PPP6R3: variants seen among roughly 807,000 people sequenced by gnomAD.
The protein encoded by PPP6R3 is protein phosphatase 6 regulatory subunit 3, also known as serine/threonine-protein phosphatase 6 regulatory subunit 3.
A neutral mutation model predicts 110.7 loss-of-function variants in PPP6R3; 38 were observed. That is an observed-to-expected ratio of 0.34 (90% CI 0.26 to 0.45). The LOEUF (loss-of-function observed/expected upper bound fraction) is 0.45. PPP6R3 is among the 20% of genes least tolerant of loss of function. The probability of loss-of-function intolerance (pLI) is 1.00; values close to 1 mark genes in which losing one functional copy is unlikely to be tolerated. For synonymous variants in PPP6R3, 369 were observed against 373.5 expected, an observed-to-expected ratio of 0.99 and a Z score of 0.14; for missense variants, 870 against 1,062.4, an observed-to-expected ratio of 0.82 and a Z score of 2.52.
intron 6 of PPP6R3, 121 bp from the exon 7 acceptor site, chr11:68,554,024 G>C: frequency 1.4e-6 from 1 of 694,176 alleles, no homozygotes; most frequent in South Asian, 1.9e-5. Flanking sequence ...GACCTTTTGC[G>C]CACTGAAGCT....
intron 1 of PPP6R3, among the ~76,000 whole-genome samples, chr11:68,481,713 A>G (rs1220375057): frequency 6.6e-6 from 1 of 152,182 alleles, no homozygotes; most frequent in African/African-American, 2.4e-5. Flanking sequence ...ATCAGTTACT[A>G]GTAAAGTGCC....
Position 68,613,219 on chromosome 11 carries a change from ACT to A in PPP6R3, c.*105_*106del. On this transcript the variant is annotated 3_prime_UTR_variant, in exon 24 of 24. Transcript: ENST00000393800. ...CCACCAAGCTGTCACTGCTGCACTC[ACT>A]CTGCAAGGGATCAGGACCAGCAACC... 1 of 1,529,468 alleles carries A rather than the reference ACT, an allele frequency of 6.5e-7. No homozygotes were observed. Among genetic ancestry groups the A allele is most frequent in the Non-Finnish European group, 8.8e-7 (1 of 1,139,852 alleles). 94.7% of individuals were successfully genotyped at this position (1,529,468 alleles called of 1,614,324 possible).
chr11:68,489,210 G>A (rs1017653482), intron 1 of PPP6R3, among the ~76,000 whole-genome samples: 2 of 151,842 alleles, frequency 1.3e-5, no homozygotes, highest in African/African-American at 2.4e-5. Flanking sequence ...TAGTAGAGAC[G>A]GGGTTTCACC....
chr11:68,485,053 TG>T (rs1443165743), intron 1 of PPP6R3, among the ~76,000 whole-genome samples: 1 of 152,190 alleles, frequency 6.6e-6, no homozygotes, highest in South Asian at 2.1e-4. Flanking sequence ...AGTTCTTCTT[TG>T]GGGTCTGTCA....
intron 2 of PPP6R3, among the ~76,000 whole-genome samples, chr11:68,526,419 T>C (rs1391429430): frequency 6.6e-6 from 1 of 152,128 alleles, no homozygotes; most frequent in Non-Finnish European, 1.5e-5. Flanking sequence ...TTTTGTACTT[T>C]CTGTGGTGGA....
intron 18 of PPP6R3, among the ~76,000 whole-genome samples, chr11:68,593,985 T>TA (rs2099603569): frequency 6.6e-6 from 1 of 152,024 alleles, no homozygotes; most frequent in Non-Finnish European, 1.5e-5. Context: ...TCAGTTTGGA[T>TA]AAAAAATGAG....
intron 1 of PPP6R3, among the ~76,000 whole-genome samples, chr11:68,464,829 T>C (rs2098734377): frequency 6.6e-6 from 1 of 152,138 alleles, no homozygotes; most frequent in African/African-American, 2.4e-5. Context: ...TTAGTATCTT[T>C]TGCCCTCCTT....
In PPP6R3 at chr11:68,614,754, C is replaced by CCT. The variant is rs1944900875; in HGVS notation, c.*1642_*1643dup. 6.5e-7 allele frequency: 1 copy of CCT among 1,538,220 alleles called. No homozygotes were observed. The highest frequency in any genetic ancestry group is 1.4e-5 in the African/African-American group (1 of 72,618). ...AGGAACCCCCTTTCCCGGGTGAGCC[C>CCT]CTCTCTGAAGAGACTGTCCTTGGGC... On this transcript the variant is annotated 3_prime_UTR_variant, in exon 24 of 24. Transcript: ENST00000393800.
At chr11:68,516,846 C>G (rs540879736) in intron 1 of PPP6R3, among the ~76,000 whole-genome samples, 29 of 152,160 alleles carry the variant, frequency 1.9e-4, no homozygotes, top group Non-Finnish European at 3.7e-4. Context: ...TTCTCCACAT[C>G]CTTATTGACA....
At position 68,513,790 on chromosome 11, in the gene PPP6R3, A is replaced by G. The variant is rs557966700; in HGVS notation, c.-157-5711A>G. On this transcript the variant is annotated intron_variant, in intron 1 of 23. Transcript: ENST00000393800. ...CGTTTTTTGCACATTTGACTCCACA[A>G]AAGTACATTTTTAGTGTTGACTTTG... Among the ~76,000 whole-genome samples the G allele has an allele frequency of 4.6e-5, 7 of 152,348 alleles. No individual in the cohort carries two copies. The East Asian group carries it at 1.3e-3, about 29-fold the overall frequency.
chr11:68,467,186 T>C (rs1351484959), intron 1 of PPP6R3, among the ~76,000 whole-genome samples: 1 of 152,260 alleles, frequency 6.6e-6, no homozygotes, highest in Admixed American at 6.5e-5. Flanking sequence ...ACTGAACTTA[T>C]GCAATTAAAG....
At chr11:68,472,569 C>T (rs2098799598) in intron 1 of PPP6R3, among the ~76,000 whole-genome samples, 1 of 151,434 alleles carries the variant, frequency 6.6e-6, no homozygotes, top group Admixed American at 6.6e-5. Context: ...TTGGTATTGT[C>T]AGACTTTAAT....
At chr11:68,524,002 C>T (rs894180440) in intron 2 of PPP6R3, among the ~76,000 whole-genome samples, 5 of 152,018 alleles carry the variant, frequency 3.3e-5, no homozygotes, top group Admixed American at 2.6e-4. Context: ...CATGTCAGCC[C>T]AAATGTAGCC....
In PPP6R3 at chr11:68,596,091, C is replaced by T. The variant is rs762859350; in HGVS notation, c.1917-6C>T. ...TGTTAAATACTTGGGTCTTGTTTTT[C>T]CTTAGCTCGGGGAGTACAGACAGTG... On this transcript the variant is annotated splice_polypyrimidine_tract_variant and splice_region_variant and intron_variant, in intron 18 of 23. Transcript: ENST00000393800. 4 of 1,613,770 alleles carry T rather than the reference C, an allele frequency of 2.5e-6. No individual in the cohort carries two copies. Among genetic ancestry groups the T allele is most frequent in the Admixed American group, 3.3e-5 (2 of 59,920 alleles).
chr11:68,487,567 C>G (rs983038566), intron 1 of PPP6R3, among the ~76,000 whole-genome samples: 12 of 132,806 alleles, frequency 9.0e-5, no homozygotes, highest in East Asian at 4.3e-4. Flanking sequence ...AAGACTGCCT[C>G]AAAAAAAAAA....
intron 7 of PPP6R3, among the ~76,000 whole-genome samples, chr11:68,557,673 G>A (rs533665472): frequency 5.3e-5 from 8 of 152,146 alleles, no homozygotes; most frequent in African/African-American, 9.6e-5. Context: ...CGTGCACCAC[G>A]AGGCCCGGCT....
At chr11:68,506,313 A>C (rs1175281264) in intron 1 of PPP6R3, among the ~76,000 whole-genome samples, 1 of 146,530 alleles carries the variant, frequency 6.8e-6, no homozygotes, top group Non-Finnish European at 1.5e-5. Context: ...GCTATTTTGC[A>C]CAGGCTGATC....
chr11:68,463,442 A>C (rs2153221095), intron 1 of PPP6R3, among the ~76,000 whole-genome samples: 1 of 151,860 alleles, frequency 6.6e-6, no homozygotes, highest in South Asian at 2.1e-4. Context: ...CTTTAAAACA[A>C]GTGTCACGAT....
chr11:68,516,395 C>T (rs1359928945), intron 1 of PPP6R3, among the ~76,000 whole-genome samples: 1 of 152,086 alleles, frequency 6.6e-6, no homozygotes, highest in Admixed American at 6.5e-5. Flanking sequence ...GTAAAATTAC[C>T]TTTAGGATAT....
Sources: gnomAD v4.1 joint callset for allele counts (sites outside exome capture counted in the v4.1 genomes callset) on GRCh38, gnomAD v4.1.1 for gene constraint, MANE v1.5 for transcripts, NCBI Gene and HGNC (gene_info 2026-07-23, HGNC 2026-07-21) for gene names.